FAM47E: variants seen among roughly 807,000 people sequenced by gnomAD.
FAM47E encodes family with sequence similarity 47 member E.
A neutral mutation model predicts 41.6 loss-of-function variants in FAM47E; 32 were observed. That is an observed-to-expected ratio of 0.77 (90% CI 0.58 to 1.03). The LOEUF (loss-of-function observed/expected upper bound fraction) is 1.03, where lower values mean the gene tolerates loss of function less well. FAM47E is among the 50% of genes least tolerant of loss of function. The probability of loss-of-function intolerance (pLI) is 0.00; values close to 1 mark genes in which losing one functional copy is unlikely to be tolerated. For missense variants in FAM47E, 424 were observed against 485.4 expected (o/e 0.87, Z 1.19); for synonymous variants, 184 against 188.7 (o/e 0.98, Z 0.20).
intron 2 of FAM47E, among the ~76,000 whole-genome samples, chr4:76,234,808 G>A (rs1489028592): frequency 1.3e-5 from 2 of 152,212 alleles, no homozygotes; most frequent in East Asian, 3.8e-4. Flanking sequence ...AGGTACTCAA[G>A]ACACCCAGGT....
rs1287360059 is a variant in FAM47E, at chr4:76,233,532, T to C, written c.81+15844T>C. On this transcript the variant is annotated intron_variant, in intron 2 of 7. Coordinates refer to the FAM47E transcript ENST00000510197. ...AAAATATTAGATCTGAGCACTTGTC[T>C]TTCTTTAGGCCAAATTAATTAGAGC... is the stretch of plus-strand genomic sequence containing the variant. Among the ~76,000 whole-genome samples, 7 of 152,084 alleles carry C rather than the reference T, an allele frequency of 4.6e-5. No homozygotes were observed. The East Asian group carries it at 1.4e-3, about 29-fold the overall frequency.
rs1734649232 is a variant in FAM47E, at chr4:76,266,681, G to A, written c.561-1979G>A. 2.0e-5 allele frequency among the ~76,000 whole-genome samples: 3 copies of A among 152,280 alleles called. No individual in the cohort carries two copies. The South Asian group carries it at 6.2e-4, about 32-fold the overall frequency. On this transcript the variant is annotated intron_variant, in intron 3 of 7. Coordinates refer to ENST00000424749, the MANE Select transcript of FAM47E (RefSeq NM_001136570.3). Reference sequence around the variant, plus strand: ...GTAAGTCAAGTCGTGTCATTCCAGTGCTTGAGATTCTCCAATTGCTTATTT... The same window carrying A: ...GTAAGTCAAGTCGTGTCATTCCAGTACTTGAGATTCTCCAATTGCTTATTT...
chr4:76,263,871 A>G, intron 3 of FAM47E, 28 bp downstream of exon 3: 1 of 1,547,246 alleles, frequency 6.5e-7, no homozygotes, highest in Admixed American at 2.0e-5. Context: ...CCCTTCGATC[A>G]TTGCTGTCAC....
Position 76,246,002 on chromosome 4 carries a change from C to A in FAM47E, c.82-17702C>A, listed in dbSNP as rs576215198. Reference sequence around the variant, plus strand: ...TGACTATTGGTGTCATGCCTTTACCCCCATTGTTATTTGGTTTGCAGGTGT... The same window carrying A: ...TGACTATTGGTGTCATGCCTTTACCACCATTGTTATTTGGTTTGCAGGTGT... On this transcript the variant is annotated intron_variant, in intron 2 of 7. Coordinates refer to the FAM47E transcript ENST00000510197. Among the ~76,000 whole-genome samples, 11 of 152,250 alleles carry A rather than the reference C, an allele frequency of 7.2e-5. No homozygotes were observed. In the South Asian group the frequency reaches 2.3e-3, roughly 32 times the overall value.
intron 1 of FAM47E, among the ~76,000 whole-genome samples, chr4:76,254,426 G>A (rs1012458943): frequency 6.6e-6 from 1 of 152,170 alleles, no homozygotes; most frequent in Non-Finnish European, 1.5e-5. Flanking sequence ...ATGATTAGAT[G>A]TAATTTCAGC....
At chr4:76,271,990 AAT>A (rs1416013329) in intron 5 of FAM47E, among the ~76,000 whole-genome samples, 1 of 152,250 alleles carries the variant, frequency 6.6e-6, no homozygotes, top group African/African-American at 2.4e-5. Flanking sequence ...TTAATACCTG[AAT>A]AGTCATTTTC....
At chr4:76,263,927 T>C (rs1734522623) in intron 3 of FAM47E, 84 bp downstream of exon 3, 1 of 1,491,488 alleles carries the variant, frequency 6.7e-7, no homozygotes, top group Non-Finnish European at 8.9e-7. Flanking sequence ...TTCTCATCTT[T>C]AGAATACTTC....
chr4:76,249,529 C>T (rs1733905146), upstream of FAM47E, among the ~76,000 whole-genome samples: 1 of 151,976 alleles, frequency 6.6e-6, no homozygotes, highest in Admixed American at 6.6e-5. Context: ...CGGTAAAATG[C>T]CTCCTTCAGA....
In FAM47E at chr4:76,263,777, C is replaced by G. The variant is rs771954420; in HGVS notation, c.494C>G (p.Thr165Ser). The G allele has an allele frequency of 2.6e-6, 4 of 1,551,458 alleles. No individual in the cohort carries two copies. In the South Asian group the frequency reaches 3.6e-5, roughly 14 times the overall value. ...LEDTWAYCQDTRKGMKEPTKL... is the reference protein window; with the variant it reads ...LEDTWAYCQDSRKGMKEPTKL... The stretch of plus-strand genomic sequence containing the variant: ...GACACATGGGCTTATTGTCAGGACA[C>G]CAGGAAAGGAATGAAGGAACCCACG... The change falls in exon 3 of 8, where the codon ACC (threonine) becomes AGC (serine). Residue 165 changes from threonine (T) to serine (S), a missense_variant. By Grantham distance (58) the Thr-to-Ser change is moderately conservative (BLOSUM62 1). Transcript: ENST00000424749.
chr4:76,253,379 CT>C (rs1396435909), intron 1 of FAM47E, among the ~76,000 whole-genome samples: 2 of 152,098 alleles, frequency 1.3e-5, no homozygotes, highest in African/African-American at 4.8e-5. Context: ...TTTTTCATTT[CT>C]TTAGGATACA....
Position 76,225,186 on chromosome 4 carries a change from C to G in FAM47E, c.81+7498C>G, listed in dbSNP as rs1248801619. 2.0e-5 allele frequency among the ~76,000 whole-genome samples: 3 copies of G among 152,158 alleles called. No individual in the cohort carries two copies. In the East Asian group the frequency reaches 5.8e-4, roughly 29 times the overall value. ...ATACCACATTTTCTTTATCCACTCG[C>G]ACTCGTTGGCACTTGAGCTGGTTCC... is the stretch of plus-strand genomic sequence containing the variant. On this transcript the variant is annotated intron_variant, in intron 2 of 7. Transcript: ENST00000510197.
At chr4:76,276,070 C>CACA (rs1452874811) in intron 5 of FAM47E, among the ~76,000 whole-genome samples, 8,039 of 142,436 alleles carry the variant, frequency 0.056, 349 homozygotes, top group Admixed American at 0.088. Context: ...ACACACACAC[C>CACA]CCTCCCCTAC....
intron 1 of FAM47E, among the ~76,000 whole-genome samples, chr4:76,254,904 T>TAGATGA (rs1734124947): frequency 6.6e-6 from 1 of 152,178 alleles, no homozygotes; most frequent in Non-Finnish European, 1.5e-5. Flanking sequence ...TTCCATCTCA[T>TAGATGA]CTATATGCCC....
intron 2 of FAM47E, among the ~76,000 whole-genome samples, chr4:76,258,331 C>A (rs758857791): frequency 3.2e-4 from 48 of 152,142 alleles, no homozygotes; most frequent in Non-Finnish European, 5.4e-4. Flanking sequence ...GTGTCTATTC[C>A]AAAGTCAGTC....
intron 2 of FAM47E, among the ~76,000 whole-genome samples, chr4:76,233,374 C>G (rs1418408824): frequency 1.3e-5 from 2 of 152,190 alleles, no homozygotes; most frequent in African/African-American, 4.8e-5. Context: ...TGCATCTGAC[C>G]TGCATTATGC....
At chr4:76,235,904 G>T (rs1376651075) in intron 2 of FAM47E, among the ~76,000 whole-genome samples, 9 of 152,174 alleles carry the variant, frequency 5.9e-5, no homozygotes, top group African/African-American at 2.2e-4. Flanking sequence ...CATCATTTTA[G>T]CAGATGGGAC....
rs537173720 is a variant in FAM47E, at chr4:76,270,494, A to T, written c.670-1074A>T. 6.2e-4 allele frequency among the ~76,000 whole-genome samples: 95 copies of T among 152,310 alleles called. 1 individual carries two copies. The highest frequency in any genetic ancestry group is 1.9e-3 in the South Asian group (9 of 4,822). On this transcript the variant is annotated intron_variant, in intron 4 of 7. Transcript: ENST00000424749. ...ACGGACAGAGACTCCTCAGAGGGTG[A>T]TTGAAGCGGGGATGCTGGATGAAGC...
intron 2 of FAM47E, among the ~76,000 whole-genome samples, chr4:76,231,427 G>A (rs767546716): frequency 1.3e-5 from 2 of 152,092 alleles, no homozygotes; most frequent in African/African-American, 4.8e-5. Flanking sequence ...TTAAAATGTA[G>A]GTAAAAACTT....
At chr4:76,259,354 T>A (rs1275089274) in intron 2 of FAM47E, among the ~76,000 whole-genome samples, 1 of 152,216 alleles carries the variant, frequency 6.6e-6, no homozygotes, top group Admixed American at 6.5e-5. Context: ...TCAAGAAAGA[T>A]AGACTTCTTA....
Sources: gnomAD v4.1 joint callset for allele counts (sites outside exome capture counted in the v4.1 genomes callset) on GRCh38, gnomAD v4.1.1 for gene constraint, MANE v1.5 for transcripts, NCBI Gene and HGNC (gene_info 2026-07-23, HGNC 2026-07-21) for gene names.